Variants in MYO6 observed in about 807,000 individuals in gnomAD.
MYO6 encodes myosin VI.
In MYO6, 74 loss-of-function variants were observed where a neutral mutation model predicts 178.7. The ratio of observed to expected loss-of-function variants is 0.41; its 90% CI spans 0.34 to 0.50. The LOEUF (loss-of-function observed/expected upper bound fraction) is 0.50, where lower values mean the gene tolerates loss of function less well. MYO6 is among the 20% of genes least tolerant of loss of function. MYO6 has a pLI of 0.09. For missense variants in MYO6, 1,330 were observed against 1,547.4 expected, an observed-to-expected ratio of 0.86 and a Z score of 2.36; for synonymous variants, 477 against 504.6, an observed-to-expected ratio of 0.95 and a Z score of 0.73.
Position 75,915,218 on chromosome 6 carries a change from T to C in MYO6, c.*206T>C. 1.7e-6 allele frequency: 1 copy of C among 594,324 alleles called. No homozygotes were observed. The highest frequency in any genetic ancestry group is 3.0e-6 in the Non-Finnish European group (1 of 334,858). 36.8% of individuals were successfully genotyped at this position (594,324 alleles called of 1,614,324 possible). On this transcript the variant is annotated 3_prime_UTR_variant, in exon 35 of 35. Transcript: ENST00000369977. The stretch of plus-strand genomic sequence containing the variant: ...TAAACATTATTTTTCTGTATCCCGC[T>C]GTAATTCCCAAAACTCTCATTATTC...
chr6:75,775,167 G>A (rs1766257326), intron 1 of MYO6, among the ~76,000 whole-genome samples: 1 of 152,168 alleles, frequency 6.6e-6, no homozygotes, highest in African/African-American at 2.4e-5. Context: ...TGCCGTTTTT[G>A]CAGTGCCAGT....
chr6:75,841,448 G>C, intron 9 of MYO6, 70 bp downstream of exon 9: 1 of 1,463,428 alleles, frequency 6.8e-7, no homozygotes, highest in Non-Finnish European at 9.5e-7. Flanking sequence ...CAACACTTTG[G>C]GAGGCTGAGG....
At chr6:75,884,279 G>A (rs988036299) in intron 23 of MYO6, among the ~76,000 whole-genome samples, 4 of 152,150 alleles carry the variant, frequency 2.6e-5, no homozygotes, top group African/African-American at 9.7e-5. Context: ...GATTCTCAGA[G>A]GCTTCACTCA....
intron 20 of MYO6, among the ~76,000 whole-genome samples, chr6:75,876,468 G>A (rs77188186): frequency 6.6e-6 from 1 of 152,248 alleles, no homozygotes; most frequent in East Asian, 1.9e-4. Context: ...AGTAATTCAT[G>A]TCTGTTGTAT....
At chr6:75,750,871 C>A (rs994534791) in intron 1 of MYO6, among the ~76,000 whole-genome samples, 9 of 152,122 alleles carry the variant, frequency 5.9e-5, no homozygotes, top group African/African-American at 1.9e-4. Flanking sequence ...TGAGCCCCCG[C>A]GCCTGGCCTG....
chr6:75,784,756 A>G (rs1042573670), intron 1 of MYO6, among the ~76,000 whole-genome samples: 23 of 145,402 alleles, frequency 1.6e-4, no homozygotes, highest in Non-Finnish European at 2.1e-4. Context: ...CAGCCTGGGC[A>G]ACAGAGTGAG....
chr6:75,908,680 A>G, intron 32 of MYO6, 53 bp downstream of exon 32: 1 of 1,572,428 alleles, frequency 6.4e-7, no homozygotes, highest in Non-Finnish European at 8.7e-7. Flanking sequence ...ATATAAATGC[A>G]TGTATCTGTA....
chr6:75,798,909 TC>T (rs1769133670), intron 1 of MYO6, among the ~76,000 whole-genome samples: 2 of 152,322 alleles, frequency 1.3e-5, no homozygotes, highest in African/African-American at 4.8e-5. Flanking sequence ...CAGTAATGTT[TC>T]AGGACACAAA....
intron 1 of MYO6, among the ~76,000 whole-genome samples, chr6:75,767,520 CTTTT>C (rs1002645261): frequency 3.8e-5 from 5 of 131,208 alleles, no homozygotes; most frequent in African/African-American, 8.5e-5. Context: ...TTACAAATTC[CTTTT>C]TTTTTTTTTT....
At chr6:75,781,875 G>A (rs561449649) in intron 1 of MYO6, among the ~76,000 whole-genome samples, 57 of 136,356 alleles carry the variant, frequency 4.2e-4, no homozygotes, top group Non-Finnish European at 5.8e-4. Flanking sequence ...CCGAGATCGC[G>A]CCACTGTACT....
At chr6:75,913,214 G>T (rs1243811512) in intron 33 of MYO6, among the ~76,000 whole-genome samples, 1 of 152,108 alleles carries the variant, frequency 6.6e-6, no homozygotes, top group Non-Finnish European at 1.5e-5. Context: ...TAAAGTCATT[G>T]CCCCAGGGAA....
intron 1 of MYO6, chr6:75,768,009 G>T (rs754297702): frequency 6.6e-6 from 1 of 152,106 alleles, no homozygotes; most frequent in Non-Finnish European, 1.5e-5. Context: ...CTCCTAAGTA[G>T]CTGGGATTAC....
chr6:75,775,429 G>A (rs1583033944), intron 1 of MYO6, among the ~76,000 whole-genome samples: 1 of 152,196 alleles, frequency 6.6e-6, no homozygotes, highest in Non-Finnish European at 1.5e-5. Flanking sequence ...CTTCAAATGA[G>A]ATGCATTGGC....
At chr6:75,775,564 AG>A (rs1295822901) in intron 1 of MYO6, among the ~76,000 whole-genome samples, 1 of 152,212 alleles carries the variant, frequency 6.6e-6, no homozygotes, top group Non-Finnish European at 1.5e-5. Context: ...TCCAACCTTG[AG>A]GGCTGTGCTG....
intron 13 of MYO6, 79 bp downstream of exon 13, chr6:75,857,333 C>T (rs1775807689): frequency 7.1e-7 from 1 of 1,405,476 alleles, no homozygotes; most frequent in South Asian, 1.2e-5. Flanking sequence ...AATCTTTTCT[C>T]CTTTGTAACT....
At chr6:75,776,046 C>A (rs1298029330) in intron 1 of MYO6, among the ~76,000 whole-genome samples, 1 of 152,156 alleles carries the variant, frequency 6.6e-6, no homozygotes, top group Non-Finnish European at 1.5e-5. Context: ...CTCCCCCGAG[C>A]ACCATTTCTA....
chr6:75,795,188 G>A (rs573450420), intron 1 of MYO6, among the ~76,000 whole-genome samples: 17 of 152,250 alleles, frequency 1.1e-4, no homozygotes, highest in African/African-American at 3.6e-4. Flanking sequence ...TGGTGTAGGC[G>A]GAAGGCAGCA....
intron 18 of MYO6, among the ~76,000 whole-genome samples, chr6:75,869,898 G>C (rs1298943180): frequency 6.6e-6 from 1 of 151,446 alleles, no homozygotes; most frequent in Non-Finnish European, 1.5e-5. Flanking sequence ...TGGATCACGA[G>C]GTCAGGAGAT....
chr6:75,903,098 T>G lies in MYO6; in HGVS notation c.3177-4507T>G, dbSNP rs191341295. 4.0e-3 allele frequency among the ~76,000 whole-genome samples: 615 copies of G among 152,334 alleles called. 6 individuals carry two copies. The highest frequency in any genetic ancestry group is 0.014 in the African/African-American group (589 of 41,578). ...GCACTGTGGTCTGAGAGATAGTTTGTTATAATTTCTCTTCCTTTACATTTG... is the reference window on the plus strand; with the variant it reads ...GCACTGTGGTCTGAGAGATAGTTTGGTATAATTTCTCTTCCTTTACATTTG... On this transcript the variant is annotated intron_variant, in intron 30 of 34. Transcript: ENST00000369977.
Sources: allele counts gnomAD v4.1 joint callset (sites outside exome capture counted in the v4.1 genomes callset), GRCh38; gene constraint gnomAD v4.1.1; transcripts MANE v1.5; gene names NCBI Gene and HGNC (gene_info 2026-07-23, HGNC 2026-07-21).